INSR: variants seen among roughly 807,000 people sequenced by gnomAD.
INSR encodes the protein IR.
Under a neutral mutation model 142.6 loss-of-function variants are expected in INSR, and 67 were observed. The observed-to-expected ratio is 0.47, with a 90% CI of 0.39 to 0.58. The LOEUF (loss-of-function observed/expected upper bound fraction) is 0.58, where lower values mean the gene tolerates loss of function less well. Among genes scored for constraint, INSR ranks in the 20% least tolerant of loss-of-function variants. INSR has a pLI of 0.00. For synonymous variants in INSR, 756 were observed against 743.1 expected, an observed-to-expected ratio of 1.02 and a Z score of -0.28; for missense variants, 1,248 against 1,833.2, an observed-to-expected ratio of 0.68 and a Z score of 5.83.
At chr19:7,220,446 G>C (rs1386764527) in intron 2 of INSR, among the ~76,000 whole-genome samples, 1 of 152,068 alleles carries the variant, frequency 6.6e-6, no homozygotes, top group Non-Finnish European at 1.5e-5. Context: ...GCGCCACCAC[G>C]CCTGGCTAAT....
At chr19:7,156,457 G>T (rs7257973) in intron 9 of INSR, among the ~76,000 whole-genome samples, 45,115 of 151,932 alleles carry the variant, frequency 0.3, 6,948 homozygotes, top group Admixed American at 0.4. Flanking sequence ...CTCCTACTAG[G>T]GACATTGGGC....
intron 1 of INSR, among the ~76,000 whole-genome samples, chr19:7,292,812 G>A (rs1968531184): frequency 6.6e-6 from 1 of 152,164 alleles, no homozygotes; most frequent in Non-Finnish European, 1.5e-5. Flanking sequence ...CCACACGTGG[G>A]AGAGGGGCCC....
At chr19:7,139,301 G>A (rs1042656887) in intron 13 of INSR, among the ~76,000 whole-genome samples, 2 of 152,184 alleles carry the variant, frequency 1.3e-5, no homozygotes, top group Non-Finnish European at 2.9e-5. Context: ...AGTTTGTTAC[G>A]CAGCAAGAAC....
chr19:7,277,710 T>C (rs368859355), intron 1 of INSR, among the ~76,000 whole-genome samples: 1 of 151,352 alleles, frequency 6.6e-6, no homozygotes, highest in African/African-American at 2.4e-5. Flanking sequence ...GGCAGGAGAA[T>C]TGCTTGAGCC....
At chr19:7,263,006 G>A (rs73003966) in intron 2 of INSR, among the ~76,000 whole-genome samples, 9,911 of 152,202 alleles carry the variant, frequency 0.065, 399 homozygotes, top group Middle Eastern at 0.13. Flanking sequence ...GGCCAGGCGC[G>A]GTGGCACTCA....
At chr19:7,163,437 G>A (rs1307425525) in intron 8 of INSR, among the ~76,000 whole-genome samples, 3 of 152,018 alleles carry the variant, frequency 2.0e-5, no homozygotes, top group African/African-American at 4.8e-5. Context: ...GTGGGCGCCT[G>A]TAGTCCCAGC....
intron 9 of INSR, among the ~76,000 whole-genome samples, chr19:7,156,205 C>T (rs1339305358): frequency 3.3e-5 from 5 of 151,280 alleles, no homozygotes; most frequent in African/African-American, 9.7e-5. Flanking sequence ...GGATTACAGG[C>T]GCCTGCCACC....
Position 7,168,004 on chromosome 19 carries a change from C to T in INSR, c.1574G>A (p.Arg525Gln), listed in dbSNP as rs1259326598. Residue 525 changes from arginine to glutamine, a missense_variant, in exon 7 of 22, where the codon CGA (arginine) becomes CAA (glutamine). This residue lies in a region of INSR where 1,069 missense variants were observed against 1,654.0 expected (regional missense o/e 0.65). Transcript: ENST00000302850. This position sits in a 1 kb window ranked among gnomAD's most constrained non-coding sequence, Gnocchi z 4.3. ...GAACAGCATGAACCCCAAGAGGTCT[C>T]GGAAGTCGGGGGGCCAGTACGGCTC... ...RWEPYWPPDF[R>Q]DLLGFMLFYK... 4 of 1,613,902 alleles carry T rather than the reference C, an allele frequency of 2.5e-6. No homozygotes were observed. The highest frequency in any genetic ancestry group is 1.3e-5 in the African/African-American group (1 of 74,868).
chr19:7,184,299 C>A lies in INSR; in HGVS notation c.974+17G>T, dbSNP rs1974359360. ...TTCTCCTCTCGGCTGCCCCCCAGAC[C>A]CACATCCAGAACTCACTTGCTGGAA... On this transcript the variant is annotated intron_variant, in intron 3 of 21. Transcript: ENST00000302850. 1.2e-6 allele frequency: 2 copies of A among 1,611,638 alleles called. No homozygotes were observed. Among genetic ancestry groups the A allele is most frequent in the Non-Finnish European group, 1.7e-6 (2 of 1,178,516 alleles).
chr19:7,259,353 G>C (rs1201675767), intron 2 of INSR, among the ~76,000 whole-genome samples: 1 of 152,068 alleles, frequency 6.6e-6, no homozygotes, highest in Non-Finnish European at 1.5e-5. Context: ...GCGGCGGAAG[G>C]GGTGGGCGGG....
At chr19:7,221,373 A>AT in intron 2 of INSR, among the ~76,000 whole-genome samples, 7 of 84,298 alleles carry the variant, frequency 8.3e-5, no homozygotes, top group African/African-American at 3.3e-4. Context: ...GACTCTGTCA[A>AT]AAAAAAGGAG....
intron 2 of INSR, among the ~76,000 whole-genome samples, chr19:7,198,678 AGTG>A: frequency 6.6e-6 from 1 of 152,068 alleles, no homozygotes; most frequent in Non-Finnish European, 1.5e-5. Context: ...TCGCCGGGCC[AGTG>A]CACCCTCTAT....
At chr19:7,131,446 T>C (rs1008923718) in intron 14 of INSR, among the ~76,000 whole-genome samples, 2 of 151,668 alleles carry the variant, frequency 1.3e-5, no homozygotes, top group African/African-American at 4.8e-5. Flanking sequence ...CCCGGGTTCC[T>C]GAGGCTCCTG....
chr19:7,209,184 G>A (rs1339774297), intron 2 of INSR, among the ~76,000 whole-genome samples: 7 of 152,092 alleles, frequency 4.6e-5, no homozygotes, highest in African/African-American at 1.2e-4. Flanking sequence ...AAATTAGCTG[G>A]GCATAGTGGC....
At chr19:7,147,209 C>A (rs1973205946) in intron 11 of INSR, among the ~76,000 whole-genome samples, 1 of 151,300 alleles carries the variant, frequency 6.6e-6, no homozygotes. Flanking sequence ...GAGTCTCGCT[C>A]TGTTGCCCAG....
At chr19:7,156,095 C>A (rs996233887) in intron 9 of INSR, among the ~76,000 whole-genome samples, 3 of 101,168 alleles carry the variant, frequency 3.0e-5, no homozygotes, top group African/African-American at 1.2e-4. Context: ...CAGTCTTGCT[C>A]TGTCGCCCAG....
chr19:7,174,773 G>C, intron 3 of INSR, 42 bp from the exon 4 acceptor site: 1 of 1,593,406 alleles, frequency 6.3e-7, no homozygotes, highest in South Asian at 1.1e-5. Context: ...AAAGGGGAGG[G>C]GGGTGTCACG....
In INSR at chr19:7,192,017, G is replaced by GGAGAAAGAAA. The variant is rs1312876381; in HGVS notation, c.653-7390_653-7381dup. On this transcript the variant is annotated intron_variant, in intron 2 of 21. Transcript: ENST00000302850. The surrounding 1 kb of genome is among the most constrained non-coding windows in gnomAD (Gnocchi z 4.2). ...GGAGAGAGAGAGAAAGAAAGAAGAG[G>GGAGAAAGAAA]GAGAAAGAAAGAGAAAGAAAGAGGC... Among the ~76,000 whole-genome samples, 9 of 140,958 alleles carry GGAGAAAGAAA rather than the reference G, an allele frequency of 6.4e-5. No individual in the cohort carries two copies. The highest frequency in any genetic ancestry group is 9.2e-5 in the Non-Finnish European group (6 of 65,008). The allele number at this position is 140,958 out of a possible 152,430, so 92.5% of individuals were successfully genotyped here.
chr19:7,158,477 G>C (rs768457358), intron 9 of INSR, among the ~76,000 whole-genome samples: 19 of 152,078 alleles, frequency 1.2e-4, no homozygotes, highest in Non-Finnish European at 4.4e-5. Context: ...CTCCAGCCTG[G>C]GTGACAGAGC....
Sources: allele counts gnomAD v4.1 joint callset (sites outside exome capture counted in the v4.1 genomes callset), GRCh38; gene constraint gnomAD v4.1.1; regional missense constraint gnomAD v4.1.1; non-coding constraint Gnocchi (gnomAD v3.1); transcripts MANE v1.5; gene names NCBI Gene and HGNC (gene_info 2026-07-23, HGNC 2026-07-21).